FLNB: variants seen among roughly 807,000 people sequenced by gnomAD.
FLNB encodes the protein filamin B.
FLNB carries 111 observed loss-of-function variants against 250.6 expected under a neutral mutation model. That is an observed-to-expected ratio of 0.44 (90% CI 0.38 to 0.52). The LOEUF (loss-of-function observed/expected upper bound fraction) is 0.52. Ranked by LOEUF, FLNB falls within the 20% of genes least tolerant of loss-of-function variation. The pLI is 0.00. For synonymous variants in FLNB, 1,302 were observed against 1,372.1 expected (o/e 0.95, Z 1.13); for missense variants, 2,869 against 3,447.8 (o/e 0.83, Z 4.20).
chr3:58,018,881 C>G (rs2106702268), intron 1 of FLNB, among the ~76,000 whole-genome samples: 1 of 146,110 alleles, frequency 6.8e-6, no homozygotes, highest in East Asian at 2.0e-4. Flanking sequence ...GTCCTATAAT[C>G]ACAGCACTTT....
At position 58,156,088 on chromosome 3, in the gene FLNB, G is replaced by A; in HGVS notation, c.6888+13G>A. ...TATGAGCCTTCAGGTGAGATGCAAG[G>A]AAGCATCCATCTCCTTGGCCGCAGG... On this transcript the variant is annotated intron_variant, in intron 41 of 45. Transcript: ENST00000295956. The A allele has an allele frequency of 6.2e-7, 1 of 1,603,186 alleles. No homozygotes were observed. Among genetic ancestry groups the A allele is most frequent in the Non-Finnish European group, 8.5e-7 (1 of 1,170,058 alleles).
Position 58,124,112 on chromosome 3 carries a change from G to T in FLNB, c.3725-220G>T, listed in dbSNP as rs529300406. Among the ~76,000 whole-genome samples the T allele has an allele frequency of 5.3e-5, 8 of 152,262 alleles. No homozygotes were observed. In the East Asian group the frequency reaches 9.6e-4, roughly 18 times the overall value. On this transcript the variant is annotated intron_variant, in intron 21 of 45. Coordinates refer to ENST00000295956, the MANE Select transcript of FLNB (RefSeq NM_001457.4). ...CAACCTTTAACCTGTCCTCGAGCCC[G>T]GTGTGAGCAGTCGTGTTGTCACTTA... is the stretch of plus-strand genomic sequence containing the variant.
intron 43 of FLNB, 72 bp downstream of exon 43, chr3:58,163,402 A>C: frequency 7.9e-6 from 12 of 1,515,536 alleles, no homozygotes; most frequent in Non-Finnish European, 1.0e-5. Context: ...GGAAATCCTC[A>C]AGCCCCATGA....
intron 20 of FLNB, among the ~76,000 whole-genome samples, chr3:58,121,717 C>T (rs2097289049): frequency 6.6e-6 from 1 of 152,184 alleles, no homozygotes; most frequent in African/African-American, 2.4e-5. Flanking sequence ...GGCTCCCTGT[C>T]CCAGAGTCTT....
intron 13 of FLNB, 46 bp from the exon 14 acceptor site, chr3:58,109,133 G>A (rs1307239315): frequency 6.2e-7 from 1 of 1,613,668 alleles, no homozygotes; most frequent in Non-Finnish European, 8.5e-7. Context: ...GTCTGATAGA[G>A]ACAGTGTGAG....
chr3:58,013,467 G>GC (rs1413239240), intron 1 of FLNB, among the ~76,000 whole-genome samples: 7 of 152,150 alleles, frequency 4.6e-5, no homozygotes, highest in Admixed American at 4.6e-4. Context: ...CTTAAGTTCT[G>GC]CTCTTTCTTG....
At chr3:58,060,769 C>CAAAAAAAAAAAAAAAAAA (rs71091334) in intron 1 of FLNB, among the ~76,000 whole-genome samples, 32 of 64,208 alleles carry the variant, frequency 5.0e-4, no homozygotes, top group Admixed American at 8.7e-4. Flanking sequence ...GACCTTGTCT[C>CAAAAAAAAAAAAAAAAAA]AAAAAAAAAA....
chr3:58,036,591 C>A (rs190555821), intron 1 of FLNB, among the ~76,000 whole-genome samples: 45 of 152,308 alleles, frequency 3.0e-4, no homozygotes, highest in African/African-American at 1.0e-3. Context: ...TTAAGTTTTA[C>A]AGTAGTGATG....
chr3:58,143,449 GC>G, intron 31 of FLNB, 23 bp from the exon 32 acceptor site: 2 of 1,613,954 alleles, frequency 1.2e-6, no homozygotes, highest in Non-Finnish European at 1.7e-6. Context: ...GGGCTTCATT[GC>G]CCCGTCTCTC....
At chr3:58,121,584 A>G in intron 20 of FLNB, 81 bp downstream of exon 20, 1 of 1,566,768 alleles carries the variant, frequency 6.4e-7, no homozygotes, top group South Asian at 1.1e-5. Context: ...TCTTCCTGGC[A>G]AAGACCTTCT....
chr3:58,030,985 A>G (rs758459741), intron 1 of FLNB, among the ~76,000 whole-genome samples: 10 of 152,230 alleles, frequency 6.6e-5, no homozygotes, highest in Non-Finnish European at 1.3e-4. Context: ...AGAGATTTCC[A>G]TATGCTATGA....
chr3:58,026,194 G>A (rs987911354), intron 1 of FLNB, among the ~76,000 whole-genome samples: 1 of 152,168 alleles, frequency 6.6e-6, no homozygotes, highest in Admixed American at 6.5e-5. Flanking sequence ...AGACAGGTGG[G>A]GGACTGCCAG....
In FLNB at chr3:58,121,443, A is replaced by C. The variant is rs775761983; in HGVS notation, c.3066A>C (p.Gly1022=). The part of the protein sequence containing the change: ...GLYAVDVTYD[G]HPVPGSPYTV... ...ATGCTGTAGACGTGACCTACGATGG[A>C]CACCCTGTGCCCGGGAGCCCCTACA... Residue 1022 remains glycine (G), a synonymous_variant, in exon 20 of 46, where the codon GGA becomes GGC. Transcript: ENST00000295956. 1 of 1,614,096 alleles carries C rather than the reference A, an allele frequency of 6.2e-7. No homozygotes were observed. The highest frequency in any genetic ancestry group is 8.5e-7 in the Non-Finnish European group (1 of 1,180,010).
intron 18 of FLNB, among the ~76,000 whole-genome samples, chr3:58,116,900 C>G (rs1314828197): frequency 6.6e-6 from 1 of 152,050 alleles, no homozygotes; most frequent in African/African-American, 2.4e-5. Flanking sequence ...TTTAGAAATC[C>G]CTGTGAGCTC....
chr3:58,024,625 T>G (rs1444620474), intron 1 of FLNB, among the ~76,000 whole-genome samples: 1 of 151,604 alleles, frequency 6.6e-6, no homozygotes. Context: ...AGAGGCAACC[T>G]GGGTTTTTGG....
intron 1 of FLNB, among the ~76,000 whole-genome samples, chr3:58,072,325 G>T (rs1171679251): frequency 1.3e-5 from 2 of 152,116 alleles, no homozygotes; most frequent in Non-Finnish European, 2.9e-5. Context: ...GACCTGGTAG[G>T]CGTTGGTTTA....
Position 58,097,922 on chromosome 3 carries a change from G to A in FLNB, c.1092G>A (p.Leu364=). Residue 364 remains leucine, a synonymous_variant, in exon 7 of 46, where the codon TTG becomes TTA. Transcript: ENST00000295956. ...ASKVTAKGPG[L]EAVGNIANKP... ...AAGTCACTGCAAAAGGTCCAGGGTT[G>A]GAAGCTGTAGGGAACATCGCCAATA... 1 of 1,614,148 alleles carries A rather than the reference G, an allele frequency of 6.2e-7. No homozygotes were observed. Among genetic ancestry groups the A allele is most frequent in the Non-Finnish European group, 8.5e-7 (1 of 1,180,018 alleles).
At chr3:58,025,055 C>T (rs2097121305) in intron 1 of FLNB, among the ~76,000 whole-genome samples, 1 of 149,746 alleles carries the variant, frequency 6.7e-6, no homozygotes, top group Non-Finnish European at 1.5e-5. Flanking sequence ...TGCCCTCCCT[C>T]ACCCTTTCTT....
chr3:58,145,870 C>T (rs140201923), intron 32 of FLNB, 51 bp from the exon 33 acceptor site: 32 of 1,613,358 alleles, frequency 2.0e-5, no homozygotes, highest in African/African-American at 1.9e-4. Flanking sequence ...CCAGGGTCTT[C>T]GTTCACCCCT....
Sources: allele counts gnomAD v4.1 joint callset (sites outside exome capture counted in the v4.1 genomes callset), GRCh38; gene constraint gnomAD v4.1.1; transcripts MANE v1.5; gene names NCBI Gene and HGNC (gene_info 2026-07-23, HGNC 2026-07-21).